The following GNG12 variants were observed in gnomAD, a reference collection of about 807,000 sequenced individuals.
GNG12 encodes the protein guanine nucleotide-binding protein G(I)/G(S)/G(O) subunit gamma-12.
For synonymous variants in GNG12, 28 were observed against 29.7 expected (o/e 0.94, Z 0.19); for missense variants, 69 against 83.8 (o/e 0.82, Z 0.69).
rs186857101 is a variant in GNG12, at chr1:67,789,785, G to A, written c.-76-12278C>T. On this transcript the variant is annotated intron_variant, in intron 1 of 3. Coordinates refer to ENST00000370982, the MANE Select transcript of GNG12 (RefSeq NM_018841.6). Reference sequence around the variant, plus strand: ...TGCCAGACCTTTGGTGTAGATGAGCGCACTTCCCCAGGCCTTGGACTCAGA... The same window carrying A: ...TGCCAGACCTTTGGTGTAGATGAGCACACTTCCCCAGGCCTTGGACTCAGA... Among the ~76,000 whole-genome samples the A allele has an allele frequency of 4.3e-4, 66 of 152,166 alleles. 1 individual carries two copies. Among genetic ancestry groups the A allele is most frequent in the East Asian group, 1.7e-3 (9 of 5,168 alleles).
At chr1:67,772,900 G>A (rs1646683168) in intron 2 of GNG12, among the ~76,000 whole-genome samples, 1 of 152,218 alleles carries the variant, frequency 6.6e-6, no homozygotes, top group African/African-American at 2.4e-5. Flanking sequence ...ACCCAGTACT[G>A]ATAGCTACCT....
chr1:67,784,559 A>G lies in GNG12; in HGVS notation c.-76-7052T>C, dbSNP rs569882891. Among the ~76,000 whole-genome samples the G allele has an allele frequency of 3.3e-5, 5 of 152,200 alleles. No individual in the cohort carries two copies. In the South Asian group the frequency reaches 1.0e-3, roughly 32 times the overall value. ...ATTTTGTATTTGTAAGATCATTAGG[A>G]TCAACATTTTTACATGTTTGTTTAT... On this transcript the variant is annotated intron_variant, in intron 1 of 3. Coordinates refer to ENST00000370982, the MANE Select transcript of GNG12 (RefSeq NM_018841.6).
In GNG12 at chr1:67,829,442, A is replaced by C. The variant is rs1242261587; in HGVS notation, c.-77+3902T>G. The stretch of plus-strand genomic sequence containing the variant: ...TAAGTACTATTTGGCAGGACTATTT[A>C]AATTACTGAGCTTTTTTTAGATTTG... On this transcript the variant is annotated intron_variant, in intron 1 of 3. Coordinates refer to ENST00000370982, the MANE Select transcript of GNG12 (RefSeq NM_018841.6). Among the ~76,000 whole-genome samples, 3 of 152,238 alleles carry C rather than the reference A, an allele frequency of 2.0e-5. No homozygotes were observed. The East Asian group carries it at 5.8e-4, about 29-fold the overall frequency.
chr1:67,704,673 C>T lies in GNG12; in HGVS notation c.*778G>A, dbSNP rs1001468381. 7.2e-5 allele frequency: 11 copies of T among 152,600 alleles called. No individual in the cohort carries two copies. Among genetic ancestry groups the T allele is most frequent in the Non-Finnish European group, 1.5e-5 (1 of 68,050 alleles). The allele number at this position is 152,600 out of a possible 1,614,324, so 9.5% of individuals were successfully genotyped here. ...TTTCCAGACTCAGCATCATTGAAGCCCTAACGGGTCCTTGTAAATTAATGT... is the reference window on the plus strand; with the variant it reads ...TTTCCAGACTCAGCATCATTGAAGCTCTAACGGGTCCTTGTAAATTAATGT... On this transcript the variant is annotated 3_prime_UTR_variant, in exon 4 of 4. Coordinates refer to ENST00000370982, the MANE Select transcript of GNG12 (RefSeq NM_018841.6).
chr1:67,706,772 C>CA (rs1646251091), intron 3 of GNG12, among the ~76,000 whole-genome samples: 1 of 151,852 alleles, frequency 6.6e-6, no homozygotes, highest in African/African-American at 2.4e-5. Context: ...TCTCCTGCCT[C>CA]AGCCTTCCGA....
chr1:67,800,508 G>A (rs1324087619), intron 1 of GNG12, among the ~76,000 whole-genome samples: 1 of 152,184 alleles, frequency 6.6e-6, no homozygotes, highest in Non-Finnish European at 1.5e-5. Flanking sequence ...TGAAAAGATG[G>A]CAGGTTCAAC....
At chr1:67,730,582 C>T (rs765101354) in intron 2 of GNG12, among the ~76,000 whole-genome samples, 34 of 149,936 alleles carry the variant, frequency 2.3e-4, no homozygotes, top group African/African-American at 3.9e-4. Context: ...GTACTAAAAA[C>T]GGGCAAAACT....
At chr1:67,817,487 T>C (rs904726895) in intron 1 of GNG12, among the ~76,000 whole-genome samples, 2 of 152,206 alleles carry the variant, frequency 1.3e-5, no homozygotes, top group Non-Finnish European at 2.9e-5. Context: ...ACCTGGATCA[T>C]AATCTTTCCA....
chr1:67,761,847 C>T (rs1402811482), intron 2 of GNG12, among the ~76,000 whole-genome samples: 1 of 152,074 alleles, frequency 6.6e-6, no homozygotes, highest in East Asian at 1.9e-4. Context: ...TCTCAGTGAT[C>T]CTGCAAATGG....
In GNG12 at chr1:67,759,129, C is replaced by T. The variant is rs79436005; in HGVS notation, c.-27+18329G>A. Among the ~76,000 whole-genome samples the T allele has an allele frequency of 4.8e-3, 734 of 152,240 alleles. 7 individuals are homozygous for T. Among genetic ancestry groups the T allele is most frequent in the African/African-American group, 0.016 (672 of 41,520 alleles). On this transcript the variant is annotated intron_variant, in intron 2 of 3. Coordinates refer to ENST00000370982, the MANE Select transcript of GNG12 (RefSeq NM_018841.6). The stretch of plus-strand genomic sequence containing the variant: ...ATACATTGTATACATGATCAAAATA[C>T]CACATGTATCCCCCAAATATGCACA...
intron 2 of GNG12, among the ~76,000 whole-genome samples, chr1:67,766,702 A>T (rs2100747944): frequency 6.7e-6 from 1 of 149,976 alleles, no homozygotes; most frequent in South Asian, 2.1e-4. Flanking sequence ...TCTCCTCTGT[A>T]GGGCCTCCCT....
intron 2 of GNG12, among the ~76,000 whole-genome samples, chr1:67,730,793 G>A (rs1557598815): frequency 6.6e-6 from 1 of 152,114 alleles, no homozygotes; most frequent in Non-Finnish European, 1.5e-5. Context: ...ATTAACTGTT[G>A]CACTAAATGC....
intron 2 of GNG12, among the ~76,000 whole-genome samples, chr1:67,754,407 T>C (rs1242937350): frequency 6.6e-6 from 1 of 152,100 alleles, no homozygotes; most frequent in Non-Finnish European, 1.5e-5. Flanking sequence ...CGTTCTGGAC[T>C]CCCCACTCCT....
intron 2 of GNG12, among the ~76,000 whole-genome samples, chr1:67,767,983 C>T (rs1052525485): frequency 6.6e-6 from 1 of 152,164 alleles, no homozygotes; most frequent in Non-Finnish European, 1.5e-5. Context: ...TGCTACGTTG[C>T]GGAGGCTGGA....
rs1163831257 is a variant in GNG12 at position 67,818,413 on chromosome 1, GTTTTTTTTT to G, written c.-77+14922_-77+14930del. 4.9e-3 allele frequency among the ~76,000 whole-genome samples: 409 copies of G among 83,906 alleles called. 4 individuals carry two copies. The highest frequency in any genetic ancestry group is 0.016 in the African/African-American group (387 of 23,468). The allele number at this position is 83,906 out of a possible 152,430, so 55.0% of individuals were successfully genotyped here. The stretch of plus-strand genomic sequence containing the variant: ...AATTATTCATGGGGAAAGACCAGGG[GTTTTTTTTT>G]TTTTTTTTTTTTTTTTTTTACTTCC... On this transcript the variant is annotated intron_variant, in intron 1 of 3. Coordinates refer to ENST00000370982, the MANE Select transcript of GNG12 (RefSeq NM_018841.6).
intron 2 of GNG12, among the ~76,000 whole-genome samples, chr1:67,766,070 C>G (rs1472750714): frequency 6.7e-6 from 1 of 149,344 alleles, no homozygotes; most frequent in African/African-American, 2.5e-5. Context: ...ACAATAATAT[C>G]TCAAGGCAAA....
At chr1:67,719,802 AG>A in intron 2 of GNG12, among the ~76,000 whole-genome samples, 1 of 152,374 alleles carries the variant, frequency 6.6e-6, no homozygotes, top group South Asian at 2.1e-4. Context: ...TGGCAGAAAG[AG>A]GATTTCAACC....
At chr1:67,793,641 A>G (rs1040214107) in intron 1 of GNG12, among the ~76,000 whole-genome samples, 6 of 152,136 alleles carry the variant, frequency 3.9e-5, no homozygotes, top group Non-Finnish European at 7.3e-5. Context: ...GGGCTGTGCA[A>G]GTGGCTTTCT....
chr1:67,737,028 C>G lies in GNG12; in HGVS notation c.-26-29316G>C, dbSNP rs1367365434. Among the ~76,000 whole-genome samples, 3 of 152,158 alleles carry G rather than the reference C, an allele frequency of 2.0e-5. No individual in the cohort carries two copies. The South Asian group carries it at 6.2e-4, about 32-fold the overall frequency. On this transcript the variant is annotated intron_variant, in intron 2 of 3. Coordinates refer to ENST00000370982, the MANE Select transcript of GNG12 (RefSeq NM_018841.6). ...AAAGTTGTGCAGCCTGAATATAAAC[C>G]AAGAATTGTGGATATTCAGATGTGT...
Sources: allele counts gnomAD v4.1 joint callset (sites outside exome capture counted in the v4.1 genomes callset), GRCh38; gene constraint gnomAD v4.1.1; transcripts MANE v1.5; gene names NCBI Gene and HGNC (gene_info 2026-07-23, HGNC 2026-07-21).